PCLAF: variants seen among roughly 807,000 people sequenced by gnomAD.
The protein encoded by PCLAF is PCNA-associated factor.
A neutral mutation model predicts 15.1 loss-of-function variants in PCLAF; 12 were observed. The observed-to-expected ratio is 0.79, with a 90% CI of 0.51 to 1.29. The LOEUF is 1.29. Ranked by LOEUF, PCLAF falls within the 50% of genes most tolerant of loss-of-function variation. PCLAF has a pLI of 0.00. For missense variants in PCLAF, 116 were observed against 130.9 expected, an observed-to-expected ratio of 0.89 and a Z score of 0.56; for synonymous variants, 33 against 47.1, an observed-to-expected ratio of 0.70 and a Z score of 1.22.
chr15:64,367,628 A>G (rs957497606), intron 3 of PCLAF, among the ~76,000 whole-genome samples: 4 of 150,810 alleles, frequency 2.7e-5, no homozygotes, highest in Admixed American at 1.3e-4. Flanking sequence ...GCTCACTGCA[A>G]CCTCTGCCTC....
chr15:64,382,294 A>C (rs903434797), upstream of PCLAF: 2 of 152,108 alleles, frequency 1.3e-5, no homozygotes, highest in Non-Finnish European at 2.9e-5. Context: ...CGGGAGGCTG[A>C]GGTGGGAGGA....
intron 2 of PCLAF, among the ~76,000 whole-genome samples, chr15:64,378,853 G>A (rs1340122112): frequency 5.3e-5 from 8 of 151,864 alleles, no homozygotes; most frequent in African/African-American, 1.9e-4. Context: ...GGAGGTTGCA[G>A]TGAGCCGAGT....
At chr15:64,376,224 C>G (rs1297364007) in intron 3 of PCLAF, among the ~76,000 whole-genome samples, 1 of 148,704 alleles carries the variant, frequency 6.7e-6, no homozygotes, top group Non-Finnish European at 1.5e-5. Context: ...GACTCCGTCT[C>G]AGGAAAAAAA....
chr15:64,377,269 C>A (rs1899630761), intron 2 of PCLAF, among the ~76,000 whole-genome samples: 1 of 150,538 alleles, frequency 6.6e-6, no homozygotes, highest in African/African-American at 2.4e-5. Context: ...AGTTCGAGAC[C>A]AACCTGGACA....
chr15:64,379,379 G>A lies in PCLAF; in HGVS notation c.127+1579C>T, dbSNP rs554838934. Among the ~76,000 whole-genome samples the A allele has an allele frequency of 3.3e-5, 5 of 152,022 alleles. No individual in the cohort carries two copies. In the South Asian group the frequency reaches 6.2e-4, roughly 19 times the overall value. On this transcript the variant is annotated intron_variant, in intron 2 of 3. Coordinates refer to ENST00000300035, the MANE Select transcript of PCLAF (RefSeq NM_014736.6). ...CTACAGTCCCAGCTACTTGGGAAGA[G>A]CCTGAAGTGGGAGGATCATTTGAAC...
chr15:64,380,307 C>T (rs148960134), intron 2 of PCLAF, among the ~76,000 whole-genome samples: 109 of 151,994 alleles, frequency 7.2e-4, no homozygotes, highest in Non-Finnish European at 1.4e-3. Context: ...CGTGTGAACC[C>T]GAGAGGCGGA....
upstream of PCLAF, among the ~76,000 whole-genome samples, chr15:64,381,995 G>C (rs1899835896): frequency 6.6e-6 from 1 of 152,006 alleles, no homozygotes; most frequent in African/African-American, 2.4e-5. Flanking sequence ...AGGATGATGT[G>C]AGACTAAACA....
At chr15:64,371,570 G>A (rs1327101261) in intron 3 of PCLAF, among the ~76,000 whole-genome samples, 1 of 151,800 alleles carries the variant, frequency 6.6e-6, no homozygotes, top group Non-Finnish European at 1.5e-5. Flanking sequence ...CCAGCCCACC[G>A]CTTAATTTCA....
chr15:64,381,918 C>G (rs779288702), upstream of PCLAF, among the ~76,000 whole-genome samples: 2 of 152,146 alleles, frequency 1.3e-5, no homozygotes, highest in South Asian at 2.1e-4. Flanking sequence ...CATACTAAAA[C>G]AATTCTATGG....
intron 3 of PCLAF, chr15:64,373,645 G>C: frequency 6.5e-7 from 1 of 1,528,580 alleles, no homozygotes; most frequent in Non-Finnish European, 8.7e-7. Context: ...GCACGGGTAG[G>C]AGCAGCGCCA....
intron 3 of PCLAF, among the ~76,000 whole-genome samples, chr15:64,366,966 C>G (rs1449487846): frequency 1.4e-5 from 2 of 148,042 alleles, no homozygotes; most frequent in African/African-American, 5.0e-5. Context: ...GAGAGCCTGT[C>G]TAAAAAAAAA....
intron 2 of PCLAF, among the ~76,000 whole-genome samples, chr15:64,377,755 T>G (rs1347886675): frequency 4.0e-4 from 40 of 100,718 alleles, no homozygotes; most frequent in African/African-American, 1.3e-3. Context: ...GTGTTTTTTT[T>G]TTTTTTTTTT....
At chr15:64,374,946 G>C (rs540903391) in intron 3 of PCLAF, among the ~76,000 whole-genome samples, 1 of 151,506 alleles carries the variant, frequency 6.6e-6, no homozygotes, top group South Asian at 2.1e-4. Context: ...TTTTTTTAAA[G>C]GTTGCACACC....
At chr15:64,383,381 T>G (rs1181185577), upstream of PCLAF, among the ~76,000 whole-genome samples, 1 of 151,826 alleles carries the variant, frequency 6.6e-6, no homozygotes, top group Non-Finnish European at 1.5e-5. Context: ...GTTTTTTTTT[T>G]TTTGAGATGG....
chr15:64,381,784 T>G (rs926939114), upstream of PCLAF, among the ~76,000 whole-genome samples: 1 of 152,204 alleles, frequency 6.6e-6, no homozygotes, highest in African/African-American at 2.4e-5. Flanking sequence ...TAGCTTTAAG[T>G]CCATAATGAT....
At chr15:64,373,610 G>A in intron 3 of PCLAF, 4 of 1,492,260 alleles carry the variant, frequency 2.7e-6, no homozygotes, top group Non-Finnish European at 3.6e-6. Flanking sequence ...CGGCATACTG[G>A]TTAAAGGAAC....
exon 1 of PCLAF, chr15:64,387,646 C>G: frequency 7.1e-7 from 1 of 1,414,188 alleles, no homozygotes; most frequent in Non-Finnish European, 9.2e-7. Flanking sequence ...GAATCATGCA[C>G]TGACAGAGCT....
intron 3 of PCLAF, chr15:64,373,364 G>T: frequency 4.4e-6 from 1 of 229,180 alleles, no homozygotes; most frequent in South Asian, 1.3e-4. Flanking sequence ...GCGTTTCTCT[G>T]TTAATAAGGA....
At chr15:64,377,332 C>T (rs903613409) in intron 2 of PCLAF, among the ~76,000 whole-genome samples, 9 of 149,436 alleles carry the variant, frequency 6.0e-5, no homozygotes, top group African/African-American at 2.0e-4. Flanking sequence ...CTGGGTGTGG[C>T]GGCACGTGCC....
Sources: gnomAD v4.1 joint callset for allele counts (sites outside exome capture counted in the v4.1 genomes callset) on GRCh38, gnomAD v4.1.1 for gene constraint, MANE v1.5 for transcripts, NCBI Gene and HGNC (gene_info 2026-07-23, HGNC 2026-07-21) for gene names.